The following SERHL2 variants were observed in gnomAD, a reference collection of about 807,000 sequenced individuals.
The protein encoded by SERHL2 is serine hydrolase like 2.
In SERHL2, 29 loss-of-function variants were observed where a neutral mutation model predicts 25.5. The observed-to-expected ratio is 1.14, with a 90% CI of 0.85 to 1.55. The LOEUF (loss-of-function observed/expected upper bound fraction) is 1.55, where lower values mean the gene tolerates loss of function less well. Ranked by LOEUF, SERHL2 falls within the 40% of genes most tolerant of loss-of-function variation. The pLI is 0.00. For synonymous variants in SERHL2, 95 were observed against 103.5 expected (o/e 0.92, Z 0.50); for missense variants, 240 against 252.3 (o/e 0.95, Z 0.33).
chr22:42,559,936 C>G (rs1374166872), intron 7 of SERHL2, among the ~76,000 whole-genome samples: 2 of 151,780 alleles, frequency 1.3e-5, no homozygotes, highest in African/African-American at 2.4e-5. Context: ...CTCAGCTTCC[C>G]AAGTAGCTGG....
chr22:42,573,079 C>A lies in SERHL2; in HGVS notation c.825+550C>A, dbSNP rs747562674. Among the ~76,000 whole-genome samples, 13 of 151,804 alleles carry A rather than the reference C, an allele frequency of 8.6e-5. 1 individual carries two copies. In the East Asian group the frequency reaches 1.2e-3, roughly 13 times the overall value. Reference sequence around the variant, plus strand: ...CTGGCTGTAGGCAGAGGTGGCTTTTCCCCCAGGTTCCTGGGAGCACGTGGT... The same window carrying A: ...CTGGCTGTAGGCAGAGGTGGCTTTTACCCCAGGTTCCTGGGAGCACGTGGT... On this transcript the variant is annotated intron_variant, in intron 11 of 11. Coordinates refer to ENST00000327678, the MANE Select transcript of SERHL2 (RefSeq NM_014509.5).
At chr22:42,572,607 A>G (rs746569627) in intron 11 of SERHL2, 78 bp downstream of exon 11, 24 of 1,560,038 alleles carry the variant, frequency 1.5e-5, no homozygotes, top group Non-Finnish European at 1.9e-5. Context: ...CTTCTCATGC[A>G]CTGGGAAGAC....
At chr22:42,565,329 CT>C (rs137035) in intron 8 of SERHL2, 69,397 of 143,692 alleles carry the variant, frequency 0.48, 20,073 homozygotes, top group African/African-American at 0.81. Context: ...ACCCTCACAT[CT>C]TTTTTTTTTT....
intron 9 of SERHL2, among the ~76,000 whole-genome samples, chr22:42,570,729 A>G (rs1924054321): frequency 6.6e-6 from 1 of 152,158 alleles, no homozygotes; most frequent in South Asian, 2.1e-4. Context: ...CTGGCAGGGG[A>G]CAGCGTGAGG....
At chr22:42,572,066 C>G (rs1924299744) in intron 10 of SERHL2, among the ~76,000 whole-genome samples, 1 of 152,020 alleles carries the variant, frequency 6.6e-6, no homozygotes, top group South Asian at 2.1e-4. Context: ...TTAAAAACCA[C>G]AGAATTGTAG....
rs532641048 is a variant in SERHL2 at position 42,563,806 on chromosome 22, G to T, written c.614-2498G>T. Among the ~76,000 whole-genome samples, 7 of 152,098 alleles carry T rather than the reference G, an allele frequency of 4.6e-5. No homozygotes were observed. In the East Asian group the frequency reaches 1.4e-3, roughly 29 times the overall value. On this transcript the variant is annotated intron_variant, in intron 8 of 11. Transcript: ENST00000327678. ...ACAGATTTCTAGACCAGGCACAGTGGCTCATGCCTGTAATCCCAGCGCTTT... is the reference window on the plus strand; with the variant it reads ...ACAGATTTCTAGACCAGGCACAGTGTCTCATGCCTGTAATCCCAGCGCTTT...
At position 42,571,206 on chromosome 22, in the gene SERHL2, A is replaced by C. The variant is rs201123849; in HGVS notation, c.731+3A>C. The C allele has an allele frequency of 1.6e-5, 25 of 1,605,948 alleles. 1 individual carries two copies. Among genetic ancestry groups the C allele is most frequent in the South Asian group, 1.5e-4 (14 of 90,810 alleles). On this transcript the variant is annotated splice_donor_region_variant and intron_variant, in intron 10 of 11. Transcript: ENST00000327678. ...CAGGCCCATGTCCTGTTGATCAAGTAAGTCTGGACCCATCCCCTTCAGCCA... is the reference window on the plus strand; with the variant it reads ...CAGGCCCATGTCCTGTTGATCAAGTCAGTCTGGACCCATCCCCTTCAGCCA...
chr22:42,564,418 C>T (rs989346941), intron 8 of SERHL2, among the ~76,000 whole-genome samples: 28 of 150,154 alleles, frequency 1.9e-4, no homozygotes, highest in African/African-American at 6.6e-4. Context: ...AACTGAGGCC[C>T]GACACAGGAT....
At chr22:42,563,033 C>T (rs931788004) in intron 8 of SERHL2, among the ~76,000 whole-genome samples, 1 of 151,318 alleles carries the variant, frequency 6.6e-6, no homozygotes, top group East Asian at 2.0e-4. Flanking sequence ...CCCATCTCTA[C>T]AAAAAATTCA....
At chr22:42,569,539 CG>C (rs1401474334) in intron 9 of SERHL2, 1 of 151,834 alleles carries the variant, frequency 6.6e-6, no homozygotes, top group Non-Finnish European at 1.5e-5. Context: ...GGATTACAGG[CG>C]TGAGTGACTG....
intron 11 of SERHL2, chr22:42,573,305 C>G (rs1024009731): frequency 3.7e-4 from 56 of 150,966 alleles, no homozygotes; most frequent in African/African-American, 1.3e-3. Flanking sequence ...GGGCAGTGGC[C>G]CGATCTCGGC....
chr22:42,554,200 G>T (rs938300027), intron 1 of SERHL2, 158 bp downstream of exon 1: 6 of 919,438 alleles, frequency 6.5e-6, no homozygotes, highest in African/African-American at 5.0e-5. Context: ...AGCGCGACCG[G>T]CCAGGAGTTG....
intron 10 of SERHL2, chr22:42,571,945 G>A (rs1207446206): frequency 8.4e-6 from 1 of 118,834 alleles, no homozygotes; most frequent in Non-Finnish European, 1.8e-5. Flanking sequence ...GGCGGGGGGC[G>A]GGGGGTGGGG....
intron 9 of SERHL2, among the ~76,000 whole-genome samples, chr22:42,570,445 C>G (rs1360440298): frequency 6.6e-6 from 1 of 151,400 alleles, no homozygotes; most frequent in Non-Finnish European, 1.5e-5. Context: ...AACAATTGTT[C>G]TCATATTTTA....
intron 9 of SERHL2, chr22:42,569,782 G>A (rs1456058301): frequency 1.3e-5 from 2 of 151,770 alleles, no homozygotes; most frequent in African/African-American, 2.4e-5. Context: ...ATAGCTGGAG[G>A]GCCAGGGTGG....
chr22:42,573,800 G>A (rs1924609219), intron 11 of SERHL2, 136 bp from the exon 12 acceptor site: 2 of 822,868 alleles, frequency 2.4e-6, no homozygotes, highest in Non-Finnish European at 4.0e-6. Flanking sequence ...AGCCGAGTGT[G>A]GGGGAAACTC....
chr22:42,559,745 CACG>C (rs1922437294), intron 7 of SERHL2, among the ~76,000 whole-genome samples: 1 of 151,308 alleles, frequency 6.6e-6, no homozygotes, highest in South Asian at 2.1e-4. Context: ...AAAAAAAAAT[CACG>C]AGACACATGC....
In SERHL2 at chr22:42,572,519, C is replaced by G. The variant is rs1190028339; in HGVS notation, c.815C>G (p.Thr272Ser). 1 of 1,611,840 alleles carries G rather than the reference C, an allele frequency of 6.2e-7. No individual in the cohort carries two copies. Among genetic ancestry groups the G allele is most frequent in the South Asian group, 1.1e-5 (1 of 91,004 alleles). ...TTCATGATAGACACGATGAAATCCACCCTCAAAGAGGTAAGACGGGGCTCA... is the reference window on the plus strand; with the variant it reads ...TTCATGATAGACACGATGAAATCCAGCCTCAAAGAGGTAAGACGGGGCTCA... ...LSFMIDTMKS[T>S]LKEQFQFVEV... Residue 272 changes from threonine (T) to serine (S), a missense_variant, in exon 11 of 12, where the codon ACC becomes AGC. Physicochemically the swap from Thr to Ser is moderately conservative, Grantham distance 58. This residue lies in a region of SERHL2 where 212 missense variants were observed against 168.9 expected (regional missense o/e 1.25). Coordinates refer to ENST00000327678, the MANE Select transcript of SERHL2 (RefSeq NM_014509.5).
chr22:42,570,966 C>A (rs1054016733), intron 9 of SERHL2, among the ~76,000 whole-genome samples, 155 bp from the exon 10 acceptor site: 1 of 151,958 alleles, frequency 6.6e-6, no homozygotes, highest in Non-Finnish European at 1.5e-5. Flanking sequence ...AAAGAGCCTT[C>A]GATGAGGCAG....
Sources: gnomAD v4.1 joint callset for allele counts (sites outside exome capture counted in the v4.1 genomes callset) on GRCh38, gnomAD v4.1.1 for gene constraint, gnomAD v4.1.1 regional missense constraint, MANE v1.5 for transcripts, NCBI Gene and HGNC (gene_info 2026-07-23, HGNC 2026-07-21) for gene names.